SGCD: variants seen among roughly 807,000 people sequenced by gnomAD.
SGCD encodes delta-sarcoglycan.
Under a neutral mutation model 36.6 loss-of-function variants are expected in SGCD, and 18 were observed. That is an observed-to-expected ratio of 0.49 (90% CI 0.34 to 0.73). The LOEUF (loss-of-function observed/expected upper bound fraction) is 0.73. Among genes scored for constraint, SGCD ranks in the 30% least tolerant of loss-of-function variants. SGCD has a pLI of 0.01. For missense variants in SGCD, 387 were observed against 346.7 expected (o/e 1.12, Z -0.92); for synonymous variants, 133 against 130.6 (o/e 1.02, Z -0.12).
chr5:155,752,063 A>G, the SGCD span, among the ~76,000 whole-genome samples: 1 of 152,336 alleles, frequency 6.6e-6, no homozygotes, highest in East Asian at 1.9e-4. Context: ...TATGATCTAT[A>G]TAACATTGAC....
intron 3 of SGCD, among the ~76,000 whole-genome samples, chr5:156,505,125 G>A (rs923488643): frequency 2.6e-5 from 4 of 152,202 alleles, no homozygotes; most frequent in African/African-American, 4.8e-5. Flanking sequence ...TAATCCATCT[G>A]TCTATTTTGG....
At chr5:155,794,735 A>AAG in the SGCD span, among the ~76,000 whole-genome samples, 2,644 of 152,240 alleles carry the variant, frequency 0.017, 86 homozygotes, top group African/African-American at 0.059. Context: ...TGGGAGAAAA[A>AAG]AGAATTTGTG....
chr5:156,479,255 G>C (rs752749269), intron 3 of SGCD, among the ~76,000 whole-genome samples: 1 of 151,654 alleles, frequency 6.6e-6, no homozygotes, highest in Non-Finnish European at 1.5e-5. Flanking sequence ...ACCATGTCTG[G>C]CTAATTTTTT....
chr5:155,979,973 G>A (rs975352459), intron 1 of SGCD, among the ~76,000 whole-genome samples: 3 of 151,938 alleles, frequency 2.0e-5, no homozygotes, highest in Non-Finnish European at 4.4e-5. Flanking sequence ...CACTCATGAG[G>A]GTTCCACCTT....
chr5:156,025,196 T>C lies in SGCD; in HGVS notation c.-281-92682T>C, dbSNP rs148268352. Among the ~76,000 whole-genome samples, 800 of 152,248 alleles carry C rather than the reference T, an allele frequency of 5.3e-3. 5 individuals carry two copies. Among genetic ancestry groups the C allele is most frequent in the Middle Eastern group, 0.024 (7 of 294 alleles). On this transcript the variant is annotated intron_variant, in intron 1 of 9. Coordinates refer to the SGCD transcript ENST00000517913. ...TCACTTCCATGATGTGGTTCTACCATTGTATCAGCATGGTGTTCATGATCT... is the reference window on the plus strand; with the variant it reads ...TCACTTCCATGATGTGGTTCTACCACTGTATCAGCATGGTGTTCATGATCT...
intron 1 of SGCD, among the ~76,000 whole-genome samples, chr5:155,928,694 A>T (rs1220071970): frequency 8.0e-6 from 1 of 125,320 alleles, no homozygotes; most frequent in South Asian, 2.5e-4. Flanking sequence ...AAAAAGAGGT[A>T]AAAAAAATAC....
At chr5:156,453,649 G>A (rs1268542501) in intron 3 of SGCD, among the ~76,000 whole-genome samples, 1 of 152,138 alleles carries the variant, frequency 6.6e-6, no homozygotes, top group Non-Finnish European at 1.5e-5. Context: ...TAGAGACCAA[G>A]GATGCTGCTA....
chr5:155,777,470 C>T, the SGCD span, among the ~76,000 whole-genome samples: 1 of 151,972 alleles, frequency 6.6e-6, no homozygotes, highest in African/African-American at 2.4e-5. Flanking sequence ...AGTCCTCCCA[C>T]CTCAGCCTCC....
At chr5:155,973,163 T>G (rs1215403293) in intron 1 of SGCD, among the ~76,000 whole-genome samples, 1 of 152,182 alleles carries the variant, frequency 6.6e-6, no homozygotes, top group Non-Finnish European at 1.5e-5. Flanking sequence ...TGAGGGGAAC[T>G]TTGCAATATG....
chr5:155,966,878 T>G (rs1251026592), intron 1 of SGCD, among the ~76,000 whole-genome samples: 2 of 152,112 alleles, frequency 1.3e-5, no homozygotes, highest in Non-Finnish European at 1.5e-5. Flanking sequence ...CAACTGTTGC[T>G]ATTAGCAGTC....
chr5:156,300,880 A>G (rs920727885), intron 3 of SGCD, among the ~76,000 whole-genome samples: 2 of 151,724 alleles, frequency 1.3e-5, no homozygotes, highest in African/African-American at 4.8e-5. Flanking sequence ...GTCTTTTTTT[A>G]TAGTTTTTAT....
At chr5:155,943,124 C>T (rs1050308345) in intron 1 of SGCD, among the ~76,000 whole-genome samples, 4 of 152,098 alleles carry the variant, frequency 2.6e-5, no homozygotes, top group African/African-American at 9.7e-5. Context: ...AGCTCAGATG[C>T]CATAGTATAT....
intron 4 of SGCD, among the ~76,000 whole-genome samples, chr5:156,560,370 GT>G (rs1301512403): frequency 5.9e-5 from 9 of 152,140 alleles, no homozygotes; most frequent in African/African-American, 2.2e-4. Context: ...TTTAAGTAAT[GT>G]TACATCAGCT....
chr5:156,479,460 G>A (rs571394160), intron 3 of SGCD, among the ~76,000 whole-genome samples: 16 of 152,292 alleles, frequency 1.1e-4, no homozygotes, highest in African/African-American at 3.6e-4. Context: ...GTCAGGGTCT[G>A]TTCTCTCTGA....
intron 4 of SGCD, among the ~76,000 whole-genome samples, chr5:156,510,953 G>T (rs1323375734): frequency 6.6e-6 from 1 of 152,184 alleles, no homozygotes; most frequent in Non-Finnish European, 1.5e-5. Flanking sequence ...TAGCAAATGT[G>T]TTAGCAAGCC....
the SGCD span, among the ~76,000 whole-genome samples, chr5:155,813,166 T>C: frequency 6.6e-6 from 1 of 152,006 alleles, no homozygotes; most frequent in Non-Finnish European, 1.5e-5. Context: ...GAGAGGAGGT[T>C]AGACAAACAT....
chr5:156,704,587 C>G (rs1754664826), intron 7 of SGCD, among the ~76,000 whole-genome samples: 1 of 152,024 alleles, frequency 6.6e-6, no homozygotes, highest in Non-Finnish European at 1.5e-5. Context: ...CCTAAAGATA[C>G]TTTTTATTCA....
chr5:156,135,423 A>G (rs1762433136), intron 3 of SGCD, among the ~76,000 whole-genome samples: 2 of 152,160 alleles, frequency 1.3e-5, no homozygotes, highest in Non-Finnish European at 2.9e-5. Flanking sequence ...TACATGTGCT[A>G]CTACCCCTCT....
intron 3 of SGCD, among the ~76,000 whole-genome samples, chr5:156,247,314 A>G (rs1193897220): frequency 6.6e-6 from 1 of 152,226 alleles, no homozygotes; most frequent in Non-Finnish European, 1.5e-5. Context: ...TCAGTGTAAA[A>G]GGGGCTCCTG....
Sources: gnomAD v4.1 joint callset for allele counts (sites outside exome capture counted in the v4.1 genomes callset) on GRCh38, gnomAD v4.1.1 for gene constraint, MANE v1.5 for transcripts, NCBI Gene and HGNC (gene_info 2026-07-23, HGNC 2026-07-21) for gene names.